SNTB1: variants seen among roughly 807,000 people sequenced by gnomAD.
The protein encoded by SNTB1 is syntrophin beta 1.
In SNTB1, 36 loss-of-function variants were observed where a neutral mutation model predicts 48.9. That is an observed-to-expected ratio of 0.74 (90% CI 0.56 to 0.97). The LOEUF (loss-of-function observed/expected upper bound fraction) is 0.97. Among genes scored for constraint, SNTB1 ranks in the 50% least tolerant of loss-of-function variants. SNTB1 has a pLI of 0.00. For missense variants in SNTB1, 786 were observed against 703.4 expected, an observed-to-expected ratio of 1.12 and a Z score of -1.33; for synonymous variants, 299 against 294.6, an observed-to-expected ratio of 1.01 and a Z score of -0.15.
At chr8:120,755,735 G>A (rs1305147741) in intron 1 of SNTB1, among the ~76,000 whole-genome samples, 1 of 151,986 alleles carries the variant, frequency 6.6e-6, no homozygotes, top group Non-Finnish European at 1.5e-5. Context: ...AACTCTATGA[G>A]GTAATAAAGG....
intron 1 of SNTB1, among the ~76,000 whole-genome samples, chr8:120,706,943 AT>A (rs1257958387): frequency 6.6e-6 from 1 of 152,102 alleles, no homozygotes; most frequent in Non-Finnish European, 1.5e-5. Flanking sequence ...AAGGAATGAC[AT>A]TTTTCCACCT....
At chr8:120,760,826 T>C (rs1819407446) in intron 1 of SNTB1, among the ~76,000 whole-genome samples, 1 of 152,104 alleles carries the variant, frequency 6.6e-6, no homozygotes, top group African/African-American at 2.4e-5. Context: ...CTGTCTCATT[T>C]ACTAAGGGGT....
intron 1 of SNTB1, among the ~76,000 whole-genome samples, chr8:120,748,556 A>G (rs1042869637): frequency 6.6e-6 from 1 of 152,232 alleles, no homozygotes; most frequent in African/African-American, 2.4e-5. Flanking sequence ...AATACAGTAC[A>G]TAACATACAA....
At chr8:120,697,686 C>T (rs1206929321) in intron 1 of SNTB1, among the ~76,000 whole-genome samples, 3 of 152,102 alleles carry the variant, frequency 2.0e-5, no homozygotes, top group African/African-American at 7.2e-5. Flanking sequence ...GGAAATGTTG[C>T]ATACAAGGAA....
chr8:120,785,641 C>T (rs1451929550), intron 1 of SNTB1, among the ~76,000 whole-genome samples: 1 of 152,192 alleles, frequency 6.6e-6, no homozygotes, highest in Non-Finnish European at 1.5e-5. Flanking sequence ...GGCTTTGCTC[C>T]TCCACCCACT....
At chr8:120,797,751 G>C (rs1056069398) in intron 1 of SNTB1, among the ~76,000 whole-genome samples, 4 of 151,730 alleles carry the variant, frequency 2.6e-5, no homozygotes, top group African/African-American at 7.3e-5. Context: ...CTATGCGCCA[G>C]ATACTGTACT....
intron 4 of SNTB1, among the ~76,000 whole-genome samples, chr8:120,550,888 A>T (rs1164070245): frequency 1.3e-5 from 2 of 152,206 alleles, no homozygotes; most frequent in Non-Finnish European, 2.9e-5. Context: ...GTGTTTTCTT[A>T]TTTGCTCAAA....
At chr8:120,743,323 C>T (rs547886399) in intron 1 of SNTB1, among the ~76,000 whole-genome samples, 4 of 152,272 alleles carry the variant, frequency 2.6e-5, no homozygotes, top group South Asian at 2.1e-4. Flanking sequence ...GGAAATTGCA[C>T]GTAGCACAGA....
intron 2 of SNTB1, among the ~76,000 whole-genome samples, chr8:120,646,163 T>A (rs1406409623): frequency 7.2e-6 from 1 of 138,764 alleles, no homozygotes; most frequent in African/African-American, 2.7e-5. Context: ...TATTTCCTTC[T>A]CCTGCCTCAT....
chr8:120,627,939 T>A (rs1271053539), intron 3 of SNTB1, among the ~76,000 whole-genome samples: 1 of 152,246 alleles, frequency 6.6e-6, no homozygotes, highest in Non-Finnish European at 1.5e-5. Flanking sequence ...CAAGTTTACC[T>A]CATTGGATTT....
chr8:120,574,017 A>G (rs1046881503), intron 4 of SNTB1, among the ~76,000 whole-genome samples: 1 of 152,250 alleles, frequency 6.6e-6, no homozygotes, highest in Admixed American at 6.5e-5. Context: ...GTATTTACAT[A>G]TAATTCAATA....
At chr8:120,582,864 C>T (rs1816072400) in intron 3 of SNTB1, among the ~76,000 whole-genome samples, 2 of 152,064 alleles carry the variant, frequency 1.3e-5, no homozygotes, top group South Asian at 4.2e-4. Flanking sequence ...CACCATGGCA[C>T]ATGTATACCT....
chr8:120,744,767 T>G (rs1462009603), intron 1 of SNTB1, among the ~76,000 whole-genome samples: 2 of 152,202 alleles, frequency 1.3e-5, no homozygotes, highest in Non-Finnish European at 2.9e-5. Context: ...GATTTGTATT[T>G]GTATTGCTGT....
chr8:120,647,363 T>G (rs370955399), intron 2 of SNTB1, among the ~76,000 whole-genome samples: 1 of 150,098 alleles, frequency 6.7e-6, no homozygotes, highest in African/African-American at 2.5e-5. Context: ...CTGGTATGTT[T>G]TGTCTTTGTT....
chr8:120,665,398 G>A (rs6985322), intron 2 of SNTB1, among the ~76,000 whole-genome samples: 16,955 of 152,070 alleles, frequency 0.11, 1,381 homozygotes, highest in African/African-American at 0.22. Context: ...TTTACAGTGA[G>A]CTGAGATCGT....
chr8:120,653,409 C>T (rs944624105), intron 2 of SNTB1, among the ~76,000 whole-genome samples: 4 of 152,068 alleles, frequency 2.6e-5, no homozygotes, highest in African/African-American at 7.2e-5. Context: ...CAGGCAACCA[C>T]GAGAAGTTAG....
chr8:120,682,984 C>T (rs935067975), intron 2 of SNTB1, among the ~76,000 whole-genome samples: 1 of 151,094 alleles, frequency 6.6e-6, no homozygotes. Flanking sequence ...TGGGTTCACG[C>T]CATTCTCCTG....
At chr8:120,585,696 T>C (rs905793501) in intron 3 of SNTB1, among the ~76,000 whole-genome samples, 3 of 151,986 alleles carry the variant, frequency 2.0e-5, no homozygotes, top group African/African-American at 7.2e-5. Context: ...CATCATTCTA[T>C]CAATTCAGTT....
At chr8:120,737,492 G>A (rs1818968155) in intron 1 of SNTB1, among the ~76,000 whole-genome samples, 4 of 152,182 alleles carry the variant, frequency 2.6e-5, no homozygotes, top group Admixed American at 2.6e-4. Context: ...AGTAATTTGT[G>A]TCCAACTCTG....
Sources: allele counts gnomAD v4.1 joint callset (sites outside exome capture counted in the v4.1 genomes callset), GRCh38; gene constraint gnomAD v4.1.1; transcripts MANE v1.5; gene names NCBI Gene and HGNC (gene_info 2026-07-23, HGNC 2026-07-21).